The following ZC3H7B variants were observed in gnomAD, a reference collection of about 807,000 sequenced individuals.
ZC3H7B encodes the protein zinc finger CCCH-type containing 7B.
ZC3H7B carries 35 observed loss-of-function variants against 116.0 expected under a neutral mutation model. The ratio of observed to expected loss-of-function variants is 0.30; its 90% CI spans 0.23 to 0.40. ZC3H7B has a LOEUF of 0.40. Ranked by LOEUF, ZC3H7B falls within the 10% of genes least tolerant of loss-of-function variation. ZC3H7B has a pLI of 1.00. For synonymous variants in ZC3H7B, 502 were observed against 545.6 expected, an observed-to-expected ratio of 0.92 and a Z score of 1.11; for missense variants, 1,011 against 1,321.5, an observed-to-expected ratio of 0.77 and a Z score of 3.64.
rs151077891 is a variant in ZC3H7B at position 41,325,849 on chromosome 22, C to T, written c.216C>T (p.Asp72=). 4.8e-3 allele frequency: 7,706 copies of T among 1,612,670 alleles called. 52 individuals are homozygous for T. The highest frequency in any genetic ancestry group is 0.033 in the Middle Eastern group (177 of 5,422). ...ACGTGGCCGACTACGCTGCCTCTGA[C>T]CAGGTGGCCCTGCCCCGGGAGCTGC... ...GLNVADYAAS[D]QVALPRELLC... Residue 72 remains aspartate (D), a synonymous_variant, in exon 4 of 23, where the codon GAC becomes GAT. Coordinates refer to ENST00000352645, the MANE Select transcript of ZC3H7B (RefSeq NM_017590.6).
chr22:41,344,019 C>T (rs2036555824), intron 13 of ZC3H7B, among the ~76,000 whole-genome samples: 1 of 152,240 alleles, frequency 6.6e-6, no homozygotes, highest in Admixed American at 6.5e-5. Context: ...TCACTGTCCT[C>T]ATTTCTGGCT....
intron 6 of ZC3H7B, among the ~76,000 whole-genome samples, chr22:41,330,533 A>G (rs1300315083): frequency 6.6e-6 from 1 of 152,218 alleles, no homozygotes; most frequent in African/African-American, 2.4e-5. Flanking sequence ...TCGTGACTCG[A>G]GTCTCTGCTG....
At chr22:41,320,209 T>G (rs2036236785) in intron 1 of ZC3H7B, among the ~76,000 whole-genome samples, 1 of 151,552 alleles carries the variant, frequency 6.6e-6, no homozygotes, top group South Asian at 2.1e-4. Flanking sequence ...GGTGGGCTCC[T>G]GTAATCCCAG....
chr22:41,308,268 C>T (rs777365110), intron 1 of ZC3H7B, among the ~76,000 whole-genome samples: 6 of 152,060 alleles, frequency 3.9e-5, no homozygotes, highest in Non-Finnish European at 7.4e-5. Context: ...TTTTAGAGGT[C>T]GCCCTGGTTC....
rs903329983 is a variant in ZC3H7B at position 41,343,653 on chromosome 22, T to G, written c.1459+77T>G. The G allele has an allele frequency of 4.8e-6, 7 of 1,466,596 alleles. No individual in the cohort carries two copies. In the South Asian group the frequency reaches 8.5e-5, roughly 18 times the overall value. 90.8% of individuals were successfully genotyped at this position (1,466,596 alleles called of 1,614,324 possible). A position where few individuals can be genotyped will look rare whatever the true frequency, so the allele number is the denominator to read the frequency against. ...CCCCCAGCCGCTGCTCTACTCCCCATCACAGGTAGACAGAACAGGGGTGGG... is the reference window on the plus strand; with the variant it reads ...CCCCCAGCCGCTGCTCTACTCCCCAGCACAGGTAGACAGAACAGGGGTGGG... On this transcript the variant is annotated intron_variant, in intron 13 of 22. Coordinates refer to ENST00000352645, the MANE Select transcript of ZC3H7B (RefSeq NM_017590.6).
chr22:41,355,341 C>G (rs958129453), intron 17 of ZC3H7B, 128 bp from the exon 18 acceptor site: 6 of 1,357,846 alleles, frequency 4.4e-6, no homozygotes, highest in Non-Finnish European at 6.0e-6. Context: ...AGGTCACTGC[C>G]TGCCAGGAAG....
Position 41,355,877 on chromosome 22 carries a change from G to A in ZC3H7B, c.2274+15G>A, listed in dbSNP as rs773259212. The A allele has an allele frequency of 1.2e-6, 2 of 1,612,848 alleles. No individual in the cohort carries two copies. Among genetic ancestry groups the A allele is most frequent in the African/African-American group, 1.3e-5 (1 of 74,932 alleles). ...AGCAATACGATGTGAGCGCTGGGATGGGGGGCTGGGGGTCCCCCAGGAGGC... is the reference window on the plus strand; with the variant it reads ...AGCAATACGATGTGAGCGCTGGGATAGGGGGCTGGGGGTCCCCCAGGAGGC... On this transcript the variant is annotated intron_variant, in intron 19 of 22. Transcript: ENST00000352645.
chr22:41,336,927 G>A (rs1266157627), intron 7 of ZC3H7B: 1 of 151,460 alleles, frequency 6.6e-6, no homozygotes, highest in Admixed American at 6.6e-5. Flanking sequence ...CCTAAGGTCC[G>A]GAATTCAAGA....
At position 41,349,151 on chromosome 22, in the gene ZC3H7B, C is replaced by T. The variant is rs779919171; in HGVS notation, c.1798C>T (p.Leu600Phe). ...GGTGCACATCGTCCGCTCCACCTCC[C>T]TCAAGTACTCCAAGATCCGCCAGTT... is the stretch of plus-strand genomic sequence containing the variant. Reference protein sequence around the residue: ...CLVHIVRSTSLKYSKIRQFQE... With the variant: ...CLVHIVRSTSFKYSKIRQFQE... Residue 600 changes from leucine (L) to phenylalanine (F), a missense_variant, in exon 16 of 23, where the codon CTC (leucine) becomes TTC (phenylalanine). Transcript: ENST00000352645. This position sits in a 1 kb window ranked among gnomAD's most constrained non-coding sequence, Gnocchi z 4.9. 6.2e-7 allele frequency: 1 copy of T among 1,613,848 alleles called. No individual in the cohort carries two copies. Among genetic ancestry groups the T allele is most frequent in the Non-Finnish European group, 8.5e-7 (1 of 1,180,012 alleles).
chr22:41,355,812 G>T lies in ZC3H7B; in HGVS notation c.2224G>T (p.Val742Leu). ...GATGTCCAAGGCCAAGAGGAAATGG[G>T]TGTCAGTGAGGCCACTGCCATCCAT... ...LVMSKAKRKW[V>L]SVRPLPSIRN... Residue 742 changes from valine (V) to leucine (L), a missense_variant, in exon 19 of 23, where the codon GTG (valine) becomes TTG (leucine). Around this residue, in one of 5 missense-constraint regions of ZC3H7B, gnomAD observed 406 missense variants for 590.2 expected, o/e 0.69. Coordinates refer to ENST00000352645, the MANE Select transcript of ZC3H7B (RefSeq NM_017590.6). The T allele has an allele frequency of 6.2e-7, 1 of 1,613,698 alleles. No individual in the cohort carries two copies. The highest frequency in any genetic ancestry group is 8.5e-7 in the Non-Finnish European group (1 of 1,180,008).
chr22:41,354,603 GGAGGCTT>G (rs904104547), intron 17 of ZC3H7B, among the ~76,000 whole-genome samples: 3 of 152,138 alleles, frequency 2.0e-5, no homozygotes, highest in Non-Finnish European at 2.9e-5. Context: ...GGGAAGACGG[GGAGGCTT>G]GAGGTTATAT....
intron 13 of ZC3H7B, among the ~76,000 whole-genome samples, 182 bp downstream of exon 13, chr22:41,343,758 C>T (rs546943619): frequency 2.7e-4 from 41 of 152,324 alleles, no homozygotes; most frequent in Non-Finnish European, 5.4e-4. Context: ...TCAGAATGAG[C>T]GTCTTCTTCC....
At chr22:41,345,195 G>A (rs933226231) in intron 13 of ZC3H7B, among the ~76,000 whole-genome samples, 3 of 152,284 alleles carry the variant, frequency 2.0e-5, no homozygotes, top group East Asian at 1.9e-4. Context: ...GCTGAGGCTC[G>A]GGGAGTAATG....
rs1386221051 is a variant in ZC3H7B, at chr22:41,338,355, G to A, written c.625G>A (p.Asp209Asn). 6.2e-7 allele frequency: 1 copy of A among 1,613,718 alleles called. No homozygotes were observed. The highest frequency in any genetic ancestry group is 8.5e-7 in the Non-Finnish European group (1 of 1,179,858). The change falls in exon 8 of 23, where the codon GAC (aspartate) becomes AAC (asparagine). Residue 209 changes from aspartate (D) to asparagine (N), a missense_variant and splice_region_variant. Around this residue, in one of 5 missense-constraint regions of ZC3H7B, gnomAD observed 322 missense variants for 443.9 expected, o/e 0.73. Coordinates refer to ENST00000352645, the MANE Select transcript of ZC3H7B (RefSeq NM_017590.6). The surrounding 1 kb of genome is among the most constrained non-coding windows in gnomAD (Gnocchi z 4.5). The stretch of plus-strand genomic sequence containing the variant: ...GGGGTCCATAGATGACATCGAAACA[G>A]GTAATGTCCCCGATACGAGGGAACA... ...GLGSIDDIET[D>N]CYVDPRGSPA...
chr22:41,309,367 G>A (rs2036089759), intron 1 of ZC3H7B, among the ~76,000 whole-genome samples: 1 of 150,906 alleles, frequency 6.6e-6, no homozygotes, highest in Non-Finnish European at 1.5e-5. Context: ...AGGCTGGAGT[G>A]CAGTGGTGTG....
In ZC3H7B at chr22:41,355,906, G is replaced by A. The variant is rs201968342; in HGVS notation, c.2274+44G>A. On this transcript the variant is annotated intron_variant, in intron 19 of 22. Transcript: ENST00000352645. ...GGCTGGGGGTCCCCCAGGAGGCAGC[G>A]ATGCTTTCCAGCGGGACTCAGAGGA... The A allele has an allele frequency of 7.9e-4, 1,268 of 1,610,224 alleles. 10 individuals are homozygous for A. The highest frequency in any genetic ancestry group is 7.7e-5 in the Non-Finnish European group (91 of 1,177,836).
At chr22:41,322,687 A>G (rs2036272721) in intron 2 of ZC3H7B, among the ~76,000 whole-genome samples, 1 of 152,090 alleles carries the variant, frequency 6.6e-6, no homozygotes, top group Non-Finnish European at 1.5e-5. Context: ...TGCGTTCATC[A>G]TTTTGTGTTC....
chr22:41,324,162 T>C (rs531785091), intron 2 of ZC3H7B, among the ~76,000 whole-genome samples: 1 of 150,166 alleles, frequency 6.7e-6, no homozygotes, highest in Admixed American at 6.6e-5. Flanking sequence ...GCCAGGAAGG[T>C]AGTGATGGGG....
In ZC3H7B at chr22:41,343,461, G is replaced by A. The variant is rs143099949; in HGVS notation, c.1344G>A (p.Lys448=). 21 of 1,613,762 alleles carry A rather than the reference G, an allele frequency of 1.3e-5. No homozygotes were observed. In the African/African-American group the frequency reaches 2.1e-4, roughly 16 times the overall value. Residue 448 remains lysine (K), a synonymous_variant, in exon 13 of 23, where the codon AAG becomes AAA. Coordinates refer to ENST00000352645, the MANE Select transcript of ZC3H7B (RefSeq NM_017590.6). ...DYTYREGLEH[K]CKRDILLGRL... ...CCTACCGTGAGGGCCTTGAGCACAA[G>A]TGCAAGCGGGACATCCTGCTCGGCC...
Sources: gnomAD v4.1 joint callset for allele counts (sites outside exome capture counted in the v4.1 genomes callset) on GRCh38, gnomAD v4.1.1 for gene constraint, gnomAD v4.1.1 regional missense constraint, Gnocchi (gnomAD v3.1) non-coding constraint, MANE v1.5 for transcripts, NCBI Gene and HGNC (gene_info 2026-07-23, HGNC 2026-07-21) for gene names.